Variants in TENM4 observed in about 807,000 individuals in gnomAD.
TENM4 encodes teneurin transmembrane protein 4.
A neutral mutation model predicts 243.3 loss-of-function variants in TENM4; 82 were observed. That is an observed-to-expected ratio of 0.34 (90% CI 0.28 to 0.40). The LOEUF (loss-of-function observed/expected upper bound fraction) is 0.40, where lower values mean the gene tolerates loss of function less well. Ranked by LOEUF, TENM4 falls within the 10% of genes least tolerant of loss-of-function variation. The pLI, the probability that TENM4 is intolerant of heterozygous loss-of-function variation, is 1.00. For synonymous variants in TENM4, 1,412 were observed against 1,456.3 expected (o/e 0.97, Z 0.69); for missense variants, 3,138 against 3,673.3 (o/e 0.85, Z 3.77).
chr11:79,104,076 C>T (rs1018971384), intron 4 of TENM4, among the ~76,000 whole-genome samples: 1 of 152,112 alleles, frequency 6.6e-6, no homozygotes, highest in African/African-American at 2.4e-5. Flanking sequence ...ATTAAATGCC[C>T]CTCTAAAGAG....
Position 78,732,548 on chromosome 11 carries a change from G to A in TENM4, c.2906C>T (p.Ser969Phe), listed in dbSNP as rs866714114. Reference protein sequence around the residue: ...SFDLVTNGGISIILRFERAPF... With the variant: ...SFDLVTNGGIFIILRFERAPF... Reference sequence around the variant, plus strand: ...TGCCCGCTCGAACCGCAGGATGATGGAGATGCCGCCATTTGTCACCAAGTC... The same window carrying A: ...TGCCCGCTCGAACCGCAGGATGATGAAGATGCCGCCATTTGTCACCAAGTC... The change falls in exon 21 of 34, where the codon TCC (serine) becomes TTC (phenylalanine). Residue 969 changes from serine to phenylalanine, a missense_variant. By Grantham distance (155) the Ser-to-Phe change is radical. Transcript: ENST00000278550. The A allele has an allele frequency of 6.2e-7, 1 of 1,607,638 alleles. No homozygotes were observed. Among genetic ancestry groups the A allele is most frequent in the African/African-American group, 1.3e-5 (1 of 74,936 alleles).
At chr11:79,188,914 A>C (rs867918886) in intron 3 of TENM4, among the ~76,000 whole-genome samples, 1 of 152,180 alleles carries the variant, frequency 6.6e-6, no homozygotes, top group Non-Finnish European at 1.5e-5. Flanking sequence ...TAAACATTTA[A>C]ACATGTCACT....
At chr11:78,779,935 G>T (rs1314146027) in intron 16 of TENM4, among the ~76,000 whole-genome samples, 1 of 152,224 alleles carries the variant, frequency 6.6e-6, no homozygotes. Context: ...TCAAAGACTA[G>T]TGGATGAGAG....
chr11:79,162,620 G>A (rs1339612472), intron 3 of TENM4, among the ~76,000 whole-genome samples: 1 of 152,168 alleles, frequency 6.6e-6, no homozygotes, highest in East Asian at 1.9e-4. Flanking sequence ...TGATTTTGCA[G>A]ATGAGGAAAC....
At chr11:79,071,425 G>T (rs1051292143) in intron 4 of TENM4, among the ~76,000 whole-genome samples, 2 of 152,068 alleles carry the variant, frequency 1.3e-5, no homozygotes, top group Non-Finnish European at 2.9e-5. Flanking sequence ...TGGGAGGGTG[G>T]GTCTGTCCAA....
At chr11:78,910,797 G>A (rs752176250) in intron 6 of TENM4, among the ~76,000 whole-genome samples, 20 of 152,100 alleles carry the variant, frequency 1.3e-4, no homozygotes, top group East Asian at 5.8e-4. Context: ...CTCCTTCTCC[G>A]GACAAAATGG....
intron 29 of TENM4, among the ~76,000 whole-genome samples, chr11:78,686,227 T>G (rs1348823416): frequency 6.6e-6 from 1 of 152,118 alleles, no homozygotes; most frequent in Admixed American, 6.5e-5. Flanking sequence ...GAAGGCTTCC[T>G]AAAAGGCCCA....
intron 1 of TENM4, among the ~76,000 whole-genome samples, chr11:79,331,743 C>T (rs184419079): frequency 6.6e-6 from 1 of 152,350 alleles, no homozygotes; most frequent in Non-Finnish European, 1.5e-5. Flanking sequence ...TGGTAAATCA[C>T]AGTGCTTCCT....
At chr11:79,308,822 TCCTCAC>T (rs891849743) in intron 1 of TENM4, among the ~76,000 whole-genome samples, 6 of 152,156 alleles carry the variant, frequency 3.9e-5, no homozygotes, top group Admixed American at 1.3e-4. Flanking sequence ...GGCCTTAGTT[TCCTCAC>T]CCGTAAAATG....
chr11:78,913,583 ATGTGTGTGTGTGTGTGTGTGTGTG>A (rs55835050), intron 6 of TENM4, among the ~76,000 whole-genome samples: 23 of 141,840 alleles, frequency 1.6e-4, no homozygotes, highest in Admixed American at 1.5e-3. Flanking sequence ...GGTAAGAGGT[ATGTGTGTGTGTGTGTGTGTGTGTG>A]TGTGTGTGTG....
At chr11:79,329,910 T>C (rs947978436) in intron 1 of TENM4, among the ~76,000 whole-genome samples, 2 of 152,186 alleles carry the variant, frequency 1.3e-5, no homozygotes, top group African/African-American at 2.4e-5. Flanking sequence ...TCTCTCCAGC[T>C]GCCTGGTAAG....
rs923587898 is a variant in TENM4 at position 79,124,599 on chromosome 11, A to ATG, written c.-66+24109_-66+24110dup. On this transcript the variant is annotated intron_variant, in intron 4 of 33. Transcript: ENST00000278550. The stretch of plus-strand genomic sequence containing the variant: ...AATAGACTACCCTTATCATATATAT[A>ATG]TGTGTGTGTGTGTATATATACATAC... 3.5e-4 allele frequency among the ~76,000 whole-genome samples: 53 copies of ATG among 149,644 alleles called. 1 individual carries two copies. The highest frequency in any genetic ancestry group is 1.2e-4 in the African/African-American group (5 of 40,560).
rs1227479502 is a variant in TENM4, at chr11:78,891,239, C to T, written c.847G>A (p.Gly283Arg). 4.3e-5 allele frequency: 67 copies of T among 1,551,466 alleles called. No homozygotes were observed. Among genetic ancestry groups the T allele is most frequent in the Non-Finnish European group, 5.2e-5 (60 of 1,146,948 alleles). ...ASRHDGAYSD[G>R]HFLFKPGGTS... The stretch of plus-strand genomic sequence containing the variant: ...GAGGAGAATGGGGATGTCACCTACC[C>T]GTCACTGTAAGCCCCATCATGGCGG... The change falls in exon 8 of 34, where the codon GGG (glycine) becomes AGG (arginine). Residue 283 changes from glycine to arginine, a missense_variant and splice_region_variant. Transcript: ENST00000278550.
chr11:79,393,898 G>A (rs1012806685), intron 1 of TENM4, among the ~76,000 whole-genome samples: 4 of 152,206 alleles, frequency 2.6e-5, no homozygotes, highest in Admixed American at 6.5e-5. Context: ...GCAGTGGGGG[G>A]TTGGAGGATG....
intron 1 of TENM4, among the ~76,000 whole-genome samples, chr11:79,399,872 G>C (rs908545917): frequency 2.0e-5 from 3 of 151,908 alleles, no homozygotes; most frequent in Non-Finnish European, 4.4e-5. Flanking sequence ...GGATTAAGTG[G>C]AATCATGTAT....
In TENM4 at chr11:78,883,589, C is replaced by G. The variant is rs181203530; in HGVS notation, c.1084+6196G>C. Among the ~76,000 whole-genome samples, 249 of 152,338 alleles carry G rather than the reference C, an allele frequency of 1.6e-3. 1 individual carries two copies. The highest frequency in any genetic ancestry group is 5.4e-3 in the African/African-American group (223 of 41,568). ...TCCTCATTTTAGATTTATTAACAAG[C>G]CTTTTTCGTCTCCTATTCCAAAGGC... On this transcript the variant is annotated intron_variant, in intron 9 of 33. Transcript: ENST00000278550.
chr11:78,930,096 C>T (rs1248562074), intron 6 of TENM4, among the ~76,000 whole-genome samples: 1 of 152,184 alleles, frequency 6.6e-6, no homozygotes, highest in Non-Finnish European at 1.5e-5. Flanking sequence ...AAATGGTGCT[C>T]AGACTATAGT....
chr11:79,064,918 A>T lies in TENM4; in HGVS notation c.313T>A (p.Cys105Ser), dbSNP rs1292262502. 6.5e-7 allele frequency: 1 copy of T among 1,541,944 alleles called. No homozygotes were observed. The change falls in exon 6 of 34, where the codon TGC becomes AGC. Residue 105 changes from cysteine to serine, a missense_variant. By Grantham distance (112) the Cys-to-Ser change is moderately radical. This residue lies in a region of TENM4 where 671 missense variants were observed against 614.1 expected (regional missense o/e 1.09). Transcript: ENST00000278550. Reference protein sequence around the residue: ...LYRTDIGLPHCGYSMGAGSDA... With the variant: ...LYRTDIGLPHSGYSMGAGSDA... ...GAGCCAGCCCCCATGGAGTAGCCGC[A>T]GTGGGGGAGGCCAATGTCTGTCCGG...
At chr11:78,718,318 A>G (rs947760902) in intron 25 of TENM4, among the ~76,000 whole-genome samples, 1 of 152,206 alleles carries the variant, frequency 6.6e-6, no homozygotes, top group Non-Finnish European at 1.5e-5. Context: ...GGTTCATCTT[A>G]GAAAGTTTTT....
Sources: gnomAD v4.1 joint callset for allele counts (sites outside exome capture counted in the v4.1 genomes callset) on GRCh38, gnomAD v4.1.1 for gene constraint, gnomAD v4.1.1 regional missense constraint, MANE v1.5 for transcripts, NCBI Gene and HGNC (gene_info 2026-07-23, HGNC 2026-07-21) for gene names.